The following TIAM2 variants were observed in gnomAD, a reference collection of about 807,000 sequenced individuals.
The protein encoded by TIAM2 is rho guanine nucleotide exchange factor TIAM2.
A neutral mutation model predicts 152.9 loss-of-function variants in TIAM2; 80 were observed. That is an observed-to-expected ratio of 0.52 (90% confidence interval 0.44 to 0.63). TIAM2 has a LOEUF of 0.63. TIAM2 is among the 30% of genes least tolerant of loss of function. TIAM2 has a pLI of 0.00. For synonymous variants in TIAM2, 804 were observed against 838.0 expected, an observed-to-expected ratio of 0.96 and a Z score of 0.70; for missense variants, 1,965 against 2,120.1, an observed-to-expected ratio of 0.93 and a Z score of 1.44.
intron 11 of TIAM2, 103 bp downstream of exon 11, chr6:155,179,246 C>G (rs1780832576): frequency 7.0e-7 from 1 of 1,435,356 alleles, no homozygotes; most frequent in African/African-American, 1.4e-5. Context: ...AATTTGGCGT[C>G]TAGTTTGGAA....
chr6:155,137,335 C>T lies in TIAM2; in HGVS notation c.1353C>T (p.Ser451=), dbSNP rs760540321. 6.2e-6 allele frequency: 10 copies of T among 1,614,072 alleles called. No individual in the cohort carries two copies. Among genetic ancestry groups the T allele is most frequent in the Middle Eastern group, 1.6e-4 (1 of 6,084 alleles). The change falls in exon 5 of 27, where the codon AGC becomes AGT. Residue 451 remains serine, a synonymous_variant. Transcript: ENST00000682666. Reference sequence around the variant, plus strand: ...GTGAATCCACACATGCGATTGGCAGCGATCCCCTCCGGCAGAACATTTATG... The same window carrying T: ...GTGAATCCACACATGCGATTGGCAGTGATCCCCTCCGGCAGAACATTTATG... The part of the protein sequence containing the change: ...QRSESTHAIG[S]DPLRQNIYEN...
At chr6:155,217,331 C>G (rs1472714733) in intron 15 of TIAM2, among the ~76,000 whole-genome samples, 1 of 152,246 alleles carries the variant, frequency 6.6e-6, no homozygotes, top group Non-Finnish European at 1.5e-5. Context: ...GGCGCTGTCA[C>G]TGTTCCTTTC....
At chr6:155,136,033 A>G (rs1382024336) in intron 4 of TIAM2, among the ~76,000 whole-genome samples, 3 of 151,504 alleles carry the variant, frequency 2.0e-5, no homozygotes, top group African/African-American at 7.3e-5. Flanking sequence ...TGTCTCTACT[A>G]AAAATACAAA....
At chr6:155,179,002 G>C in intron 10 of TIAM2, 37 bp from the exon 11 acceptor site, 1 of 1,472,224 alleles carries the variant, frequency 6.8e-7, no homozygotes, top group Non-Finnish European at 9.4e-7. Flanking sequence ...TTTAGAAAGA[G>C]CATTTAAAAT....
intron 1 of TIAM2, among the ~76,000 whole-genome samples, chr6:155,028,046 T>C (rs1371445552): frequency 7.8e-6 from 1 of 127,928 alleles, no homozygotes; most frequent in African/African-American, 3.1e-5. Flanking sequence ...ATATATGTAC[T>C]GTGTTACATA....
chr6:155,057,410 C>T (rs1408030370), intron 1 of TIAM2, among the ~76,000 whole-genome samples: 2 of 151,962 alleles, frequency 1.3e-5, no homozygotes, highest in Non-Finnish European at 2.9e-5. Context: ...CCATTGTTAT[C>T]ACGTGATATC....
chr6:155,191,394 G>A (rs978617263), intron 14 of TIAM2, among the ~76,000 whole-genome samples: 4 of 152,204 alleles, frequency 2.6e-5, no homozygotes, highest in African/African-American at 9.7e-5. Context: ...TGTTGAATAC[G>A]CAGATACATT....
intron 15 of TIAM2, among the ~76,000 whole-genome samples, chr6:155,233,995 AT>A (rs146187999): frequency 1.8e-4 from 20 of 108,750 alleles, no homozygotes; most frequent in South Asian, 5.7e-4. Flanking sequence ...TTGAGAGAAA[AT>A]TTTTTTTGGG....
chr6:154,997,537 C>T (rs1778237566), intron 1 of TIAM2, among the ~76,000 whole-genome samples: 1 of 151,988 alleles, frequency 6.6e-6, no homozygotes, highest in African/African-American at 2.4e-5. Flanking sequence ...AAGCCTATCC[C>T]CACTACTGTA....
rs114932091 is a variant in TIAM2 at position 155,169,289 on chromosome 6, C to T, written c.2361+3880C>T. Among the ~76,000 whole-genome samples, 684 of 152,242 alleles carry T rather than the reference C, an allele frequency of 4.5e-3. 5 individuals carry two copies. Among genetic ancestry groups the T allele is most frequent in the African/African-American group, 0.016 (657 of 41,544 alleles). On this transcript the variant is annotated intron_variant, in intron 9 of 26. Coordinates refer to ENST00000682666, the MANE Select transcript of TIAM2 (RefSeq NM_012454.4). ...GGATGACAGGGTGAGCCACAGCACC[C>T]GGCCACAAATGCTAACTTAAGCGAG... is the stretch of plus-strand genomic sequence containing the variant.
chr6:155,063,321 T>C (rs761296327), intron 1 of TIAM2, among the ~76,000 whole-genome samples: 14 of 152,218 alleles, frequency 9.2e-5, no homozygotes, highest in Admixed American at 2.6e-4. Flanking sequence ...GTGGTAGACC[T>C]CTTCCCTGTG....
chr6:155,127,647 G>A, intron 3 of TIAM2, 47 bp downstream of exon 3: 1 of 454,362 alleles, frequency 2.2e-6, no homozygotes. Flanking sequence ...TTGCATGACT[G>A]TGATTAAGGT....
chr6:155,234,464 C>G (rs1362466395), intron 15 of TIAM2, among the ~76,000 whole-genome samples: 1 of 152,200 alleles, frequency 6.6e-6, no homozygotes, highest in Non-Finnish European at 1.5e-5. Context: ...AGATGGGTTT[C>G]CCTATGTTGT....
At chr6:155,168,977 T>C (rs1004723957) in intron 9 of TIAM2, 1 of 1,408,148 alleles carries the variant, frequency 7.1e-7, no homozygotes, top group Non-Finnish European at 9.5e-7. Context: ...ATGCTAACTT[T>C]TTCTGTTTTT....
At chr6:155,146,678 C>T (rs1472972565) in intron 6 of TIAM2, among the ~76,000 whole-genome samples, 1 of 151,926 alleles carries the variant, frequency 6.6e-6, no homozygotes, top group Non-Finnish European at 1.5e-5. Flanking sequence ...TCACTGCAAC[C>T]TCTGCCTCCC....
chr6:155,042,552 G>A (rs573735197), intron 1 of TIAM2, among the ~76,000 whole-genome samples: 3 of 152,124 alleles, frequency 2.0e-5, no homozygotes, highest in Admixed American at 6.5e-5. Flanking sequence ...AGCTGGGATC[G>A]CGCCGCTGCA....
Position 155,257,084 on chromosome 6 carries a change from A to C in TIAM2, c.5069A>C (p.Glu1690Ala). Residue 1690 changes from glutamate (E) to alanine (A), a missense_variant, in exon 27 of 27, where the codon GAG (glutamate) becomes GCG (alanine). Glu to Ala is a moderately radical substitution (Grantham distance 107, BLOSUM62 -1). This residue lies in a region of TIAM2 where 935 missense variants were observed against 980.0 expected (regional missense o/e 0.95). Transcript: ENST00000682666. ...VQSLTSVVSE[E>A]CFYETESHGK... Reference sequence around the variant, plus strand: ...AGTTTAACATCTGTTGTCAGTGAGGAGTGTTTTTATGAAACAGAGAGCCAC... The same window carrying C: ...AGTTTAACATCTGTTGTCAGTGAGGCGTGTTTTTATGAAACAGAGAGCCAC... The C allele has an allele frequency of 6.2e-7, 1 of 1,600,826 alleles. No homozygotes were observed. Among genetic ancestry groups the C allele is most frequent in the Admixed American group, 1.7e-5 (1 of 59,482 alleles).
At chr6:155,251,650 C>A (rs186209268) in intron 22 of TIAM2, among the ~76,000 whole-genome samples, 11 of 152,292 alleles carry the variant, frequency 7.2e-5, no homozygotes, top group African/African-American at 1.7e-4. Context: ...GTTGGGAGAA[C>A]AAGTGACAGT....
chr6:155,038,953 CTTTTT>C (rs33971396), intron 1 of TIAM2, among the ~76,000 whole-genome samples: 4 of 64,184 alleles, frequency 6.2e-5, no homozygotes, highest in Non-Finnish European at 8.0e-5. Flanking sequence ...TGAGCATGTC[CTTTTT>C]TTTTTTTTTT....
Sources: allele counts gnomAD v4.1 joint callset (sites outside exome capture counted in the v4.1 genomes callset), GRCh38; gene constraint gnomAD v4.1.1; regional missense constraint gnomAD v4.1.1; transcripts MANE v1.5; gene names NCBI Gene and HGNC (gene_info 2026-07-23, HGNC 2026-07-21).